The following SPIDR variants were observed in gnomAD, a reference collection of about 807,000 sequenced individuals.
SPIDR encodes DNA repair-scaffolding protein.
SPIDR carries 93 observed loss-of-function variants against 104.6 expected under a neutral mutation model. The observed-to-expected ratio is 0.89, with a 90% CI of 0.75 to 1.06. SPIDR has a LOEUF of 1.06. Ranked by LOEUF, SPIDR falls within the 50% of genes least tolerant of loss-of-function variation. The pLI is 0.00. For missense variants in SPIDR, 1,154 were observed against 1,111.2 expected (o/e 1.04, Z -0.55); for synonymous variants, 431 against 416.9 (o/e 1.03, Z -0.41).
intron 8 of SPIDR, among the ~76,000 whole-genome samples, chr8:47,454,798 T>A (rs2072628678): frequency 6.6e-6 from 1 of 151,944 alleles, no homozygotes; most frequent in African/African-American, 2.4e-5. Context: ...CCCAGGAACT[T>A]GAGGCTACAG....
At chr8:47,530,875 TA>T (rs2085869951) in intron 8 of SPIDR, among the ~76,000 whole-genome samples, 1 of 152,120 alleles carries the variant, frequency 6.6e-6, no homozygotes, top group Non-Finnish European at 1.5e-5. Flanking sequence ...AAATATTTTT[TA>T]TATCCCTATT....
intron 1 of SPIDR, among the ~76,000 whole-genome samples, chr8:47,265,032 A>G (rs1228711975): frequency 6.6e-6 from 1 of 151,998 alleles, no homozygotes; most frequent in African/African-American, 2.4e-5. Context: ...AAAAAGGCTC[A>G]TTTTCAAGTT....
In SPIDR at chr8:47,368,976, T is replaced by C. The variant is rs550536367; in HGVS notation, c.526-27400T>C. On this transcript the variant is annotated intron_variant, in intron 5 of 19. Transcript: ENST00000297423. ...ACTGCTGTGATGCCAGATAAATGAC[T>C]GGTAATGTGTCTCTGTGTCCAGTAT... Among the ~76,000 whole-genome samples the C allele has an allele frequency of 2.0e-5, 3 of 152,326 alleles. No individual in the cohort carries two copies. In the South Asian group the frequency reaches 6.2e-4, roughly 32 times the overall value.
chr8:47,315,911 A>C (rs941316576), intron 5 of SPIDR, among the ~76,000 whole-genome samples: 6 of 152,220 alleles, frequency 3.9e-5, no homozygotes, highest in African/African-American at 1.4e-4. Context: ...AGCTTTTAGA[A>C]TAAACAAAGA....
At chr8:47,353,326 G>T (rs1387266754) in intron 5 of SPIDR, among the ~76,000 whole-genome samples, 2 of 152,118 alleles carry the variant, frequency 1.3e-5, no homozygotes, top group Non-Finnish European at 2.9e-5. Context: ...TAACTTCACC[G>T]CCTCTTACCT....
At chr8:47,695,279 C>T (rs145726818) in intron 11 of SPIDR, among the ~76,000 whole-genome samples, 1 of 152,002 alleles carries the variant, frequency 6.6e-6, no homozygotes, top group Non-Finnish European at 1.5e-5. Flanking sequence ...AATGAACTCT[C>T]TTGGAGAGGT....
intron 8 of SPIDR, among the ~76,000 whole-genome samples, chr8:47,586,531 T>C (rs1194168835): frequency 6.6e-6 from 1 of 152,224 alleles, no homozygotes; most frequent in African/African-American, 2.4e-5. Context: ...TTATATAGCT[T>C]TTCAATGAAA....
At chr8:47,301,205 C>G (rs2042019309) in intron 5 of SPIDR, among the ~76,000 whole-genome samples, 1 of 152,116 alleles carries the variant, frequency 6.6e-6, no homozygotes, top group Non-Finnish European at 1.5e-5. Context: ...ATGAAATGGC[C>G]TTCTTTGTCT....
At chr8:47,585,985 T>A (rs1184854553) in intron 8 of SPIDR, among the ~76,000 whole-genome samples, 1 of 152,176 alleles carries the variant, frequency 6.6e-6, no homozygotes, top group African/African-American at 2.4e-5. Context: ...CAAAATATGC[T>A]CTCCACTTCT....
chr8:47,563,021 T>G (rs2154402055), intron 8 of SPIDR, among the ~76,000 whole-genome samples: 1 of 151,628 alleles, frequency 6.6e-6, no homozygotes, highest in South Asian at 2.1e-4. Flanking sequence ...TTAGAAACAG[T>G]ACTTTACTCT....
intron 8 of SPIDR, among the ~76,000 whole-genome samples, chr8:47,459,505 CT>C (rs1366801556): frequency 2.0e-5 from 3 of 152,116 alleles, no homozygotes; most frequent in African/African-American, 7.2e-5. Context: ...TCTAATTGAG[CT>C]TATTTGGATC....
intron 7 of SPIDR, among the ~76,000 whole-genome samples, chr8:47,421,075 A>T (rs553338034): frequency 1.3e-5 from 2 of 152,232 alleles, no homozygotes; most frequent in African/African-American, 4.8e-5. Flanking sequence ...GGTGAATCTG[A>T]CAATTATGTG....
At chr8:47,573,421 G>C (rs2058741084) in intron 8 of SPIDR, among the ~76,000 whole-genome samples, 1 of 152,244 alleles carries the variant, frequency 6.6e-6, no homozygotes, top group Non-Finnish European at 1.5e-5. Context: ...AGGAAGGTCA[G>C]AGTATATTGA....
intron 8 of SPIDR, among the ~76,000 whole-genome samples, chr8:47,530,134 G>A (rs1379869230): frequency 1.3e-5 from 2 of 152,118 alleles, no homozygotes; most frequent in East Asian, 3.9e-4. Flanking sequence ...TAACTATACT[G>A]AACACCATGG....
intron 8 of SPIDR, among the ~76,000 whole-genome samples, chr8:47,489,088 T>C (rs1268878402): frequency 1.3e-5 from 2 of 152,178 alleles, no homozygotes; most frequent in Non-Finnish European, 2.9e-5. Context: ...GACATGATTG[T>C]ATATTTAGAA....
intron 8 of SPIDR, among the ~76,000 whole-genome samples, chr8:47,465,015 C>T (rs373071663): frequency 2.0e-5 from 3 of 152,122 alleles, no homozygotes; most frequent in Non-Finnish European, 4.4e-5. Context: ...CCACCTGCCT[C>T]GGCCTCCCAA....
At chr8:47,542,578 A>G (rs144731548) in intron 8 of SPIDR, among the ~76,000 whole-genome samples, 31 of 152,234 alleles carry the variant, frequency 2.0e-4, no homozygotes, top group African/African-American at 6.7e-4. Context: ...GTTAATGTAT[A>G]CACCTGGAGC....
intron 5 of SPIDR, among the ~76,000 whole-genome samples, chr8:47,383,043 T>A (rs977786712): frequency 2.0e-5 from 3 of 152,336 alleles, no homozygotes; most frequent in African/African-American, 7.2e-5. Flanking sequence ...GAGGCAAAGC[T>A]GTAGAAATGC....
At chr8:47,594,909 T>G (rs894566534) in intron 8 of SPIDR, among the ~76,000 whole-genome samples, 12 of 152,102 alleles carry the variant, frequency 7.9e-5, no homozygotes, top group Non-Finnish European at 1.6e-4. Context: ...GGCACGAGAA[T>G]TATTTGAATC....
Sources: allele counts gnomAD v4.1 joint callset (sites outside exome capture counted in the v4.1 genomes callset), GRCh38; gene constraint gnomAD v4.1.1; transcripts MANE v1.5; gene names NCBI Gene and HGNC (gene_info 2026-07-23, HGNC 2026-07-21).